Variants in C6orf52 observed in about 807,000 individuals in gnomAD.
C6orf52 encodes chromosome 6 open reading frame 52, also known as putative uncharacterized protein C6orf52.
In C6orf52, 16 loss-of-function variants were observed where a neutral mutation model predicts 16.6. The ratio of observed to expected loss-of-function variants is 0.96; its 90% CI spans 0.65 to 1.46. The LOEUF is 1.46. Among genes scored for constraint, C6orf52 ranks in the 40% most tolerant of loss-of-function variants. The probability of loss-of-function intolerance (pLI) is 0.00; values close to 1 mark genes in which losing one functional copy is unlikely to be tolerated. For missense variants in C6orf52, 166 were observed against 182.3 expected, an observed-to-expected ratio of 0.91 and a Z score of 0.52; for synonymous variants, 53 against 61.4, an observed-to-expected ratio of 0.86 and a Z score of 0.64.
At chr6:10,693,734 CT>C (rs368455566) in intron 1 of C6orf52, among the ~76,000 whole-genome samples, 1 of 151,628 alleles carries the variant, frequency 6.6e-6, no homozygotes, top group South Asian at 2.1e-4. Flanking sequence ...TTAAATAAAA[CT>C]TTTTTTTTCT....
chr6:10,674,069 G>A (rs961004906), intron 4 of C6orf52, among the ~76,000 whole-genome samples: 7 of 152,262 alleles, frequency 4.6e-5, no homozygotes, highest in African/African-American at 7.2e-5. Context: ...GGGTGTCAGC[G>A]TGGTTGGGTT....
intron 4 of C6orf52, among the ~76,000 whole-genome samples, chr6:10,675,962 T>G (rs1213188222): frequency 2.0e-5 from 3 of 148,362 alleles, no homozygotes; most frequent in Non-Finnish European, 4.4e-5. Flanking sequence ...TGAAACCCCG[T>G]CTCTACTAAA....
intron 4 of C6orf52, chr6:10,674,799 G>C (rs1038469090): frequency 1.3e-5 from 2 of 150,450 alleles, no homozygotes; most frequent in Non-Finnish European, 2.9e-5. Context: ...AGTCACCATG[G>C]TATACAATAC....
chr6:10,676,396 T>A (rs1767883598), intron 4 of C6orf52, among the ~76,000 whole-genome samples: 1 of 152,224 alleles, frequency 6.6e-6, no homozygotes, highest in Admixed American at 6.5e-5. Flanking sequence ...CAAATCATTT[T>A]CTTTTCTAAC....
Position 10,687,516 on chromosome 6 carries a change from A to G in C6orf52, c.35T>C (p.Ile12Thr), listed in dbSNP as rs1768955965. The change falls in exon 2 of 5, where the codon ATA (isoleucine) becomes ACA (threonine). Residue 12 changes from isoleucine to threonine, a missense_variant. Physicochemically the swap from Ile to Thr is moderately conservative, Grantham distance 89. Coordinates refer to ENST00000259983, the MANE Select transcript of C6orf52 (RefSeq NM_001145020.3). Reference protein sequence around the residue: ...AQPESSADFGIAQQNNYYCYW... With the variant: ...AQPESSADFGTAQQNNYYCYW... ...GCAGTAATAGTTATTTTGTTGAGCTATGCCAAAATCTGCAGAACTCTCTGG... is the reference window on the plus strand; with the variant it reads ...GCAGTAATAGTTATTTTGTTGAGCTGTGCCAAAATCTGCAGAACTCTCTGG... 1.3e-6 allele frequency: 2 copies of G among 1,551,052 alleles called. No individual in the cohort carries two copies. Among genetic ancestry groups the G allele is most frequent in the African/African-American group, 1.4e-5 (1 of 72,924 alleles).
intron 3 of C6orf52, chr6:10,684,888 C>A (rs745956003): frequency 1.0e-5 from 13 of 1,288,760 alleles, no homozygotes; most frequent in African/African-American, 1.5e-5. Flanking sequence ...ACAGGGGACA[C>A]CCAGCAGGAT....
rs773766045 is a variant in C6orf52 at position 10,691,965 on chromosome 6, G to A, written c.-12+2529C>T. Among the ~76,000 whole-genome samples the A allele has an allele frequency of 2.0e-5, 3 of 152,300 alleles. 1 individual carries two copies. The highest frequency in any genetic ancestry group is 6.8e-3 in the Middle Eastern group (2 of 294). ...AAAAGTTACTTAAGCAAGTAAAAGTGTGACAGTCTGGTAACAGATTCTAAA... is the reference window on the plus strand; with the variant it reads ...AAAAGTTACTTAAGCAAGTAAAAGTATGACAGTCTGGTAACAGATTCTAAA... On this transcript the variant is annotated intron_variant, in intron 1 of 4. Coordinates refer to ENST00000259983, the MANE Select transcript of C6orf52 (RefSeq NM_001145020.3).
At chr6:10,685,435 T>C (rs1377155403) in intron 3 of C6orf52, among the ~76,000 whole-genome samples, 3 of 151,874 alleles carry the variant, frequency 2.0e-5, no homozygotes, top group Non-Finnish European at 4.4e-5. Context: ...TTGAGAAAAA[T>C]TGAAAATGAA....
At chr6:10,672,670 A>G (rs1767536744) in intron 4 of C6orf52, 3 of 670,366 alleles carry the variant, frequency 4.5e-6, no homozygotes, top group Non-Finnish European at 8.0e-6. Context: ...TTTTAAAAAA[A>G]GAGCAGAGAA....
At chr6:10,690,973 C>T (rs1342071039) in intron 1 of C6orf52, among the ~76,000 whole-genome samples, 1 of 152,178 alleles carries the variant, frequency 6.6e-6, no homozygotes, top group Non-Finnish European at 1.5e-5. Context: ...GAAACTACTG[C>T]CACAGCCATG....
At chr6:10,693,201 C>CAGGACACAGCAGTA (rs1769507642) in intron 1 of C6orf52, among the ~76,000 whole-genome samples, 1 of 152,296 alleles carries the variant, frequency 6.6e-6, no homozygotes, top group South Asian at 2.1e-4. Context: ...CCAACGGATG[C>CAGGACACAGCAGTA]AGGACACAGC....
At chr6:10,676,956 C>T (rs1767951384) in intron 4 of C6orf52, among the ~76,000 whole-genome samples, 1 of 152,320 alleles carries the variant, frequency 6.6e-6, no homozygotes, top group East Asian at 1.9e-4. Context: ...TATTTTCTCC[C>T]ACTCCGTTGT....
chr6:10,681,665 C>T (rs564059590), intron 4 of C6orf52, among the ~76,000 whole-genome samples: 60 of 152,326 alleles, frequency 3.9e-4, no homozygotes, highest in Non-Finnish European at 6.2e-4. Flanking sequence ...AATGTCCCCA[C>T]TTTACAGAAA....
At chr6:10,671,886 A>C (rs1354010359) in intron 4 of C6orf52, among the ~76,000 whole-genome samples, 1 of 152,170 alleles carries the variant, frequency 6.6e-6, no homozygotes, top group Non-Finnish European at 1.5e-5. Context: ...ATTTGGGAGG[A>C]AAGGGGAAAA....
At chr6:10,693,484 C>T (rs1229313356) in intron 1 of C6orf52, among the ~76,000 whole-genome samples, 2 of 152,160 alleles carry the variant, frequency 1.3e-5, no homozygotes, top group African/African-American at 4.8e-5. Context: ...TCTATTAACA[C>T]GTACTAACAA....
rs148299113 is a variant in C6orf52 at position 10,673,171 on chromosome 6, C to T, written c.317-1573G>A. ...GGTTCCCTTCCTTTACCGTTATGGG[C>T]AGTTGTCTGCTAATGGGTCCCTGAC... is the stretch of plus-strand genomic sequence containing the variant. On this transcript the variant is annotated intron_variant, in intron 4 of 4. Transcript: ENST00000259983. Among the ~76,000 whole-genome samples, 1,003 of 152,298 alleles carry T rather than the reference C, an allele frequency of 6.6e-3. 9 individuals carry two copies. Among genetic ancestry groups the T allele is most frequent in the African/African-American group, 0.022 (929 of 41,568 alleles).
chr6:10,684,703 A>G, intron 3 of C6orf52: 1 of 387,666 alleles, frequency 2.6e-6, no homozygotes, highest in Middle Eastern at 3.7e-4. Context: ...TAACCCCTTT[A>G]ACTTGGGGAG....
intron 1 of C6orf52, among the ~76,000 whole-genome samples, chr6:10,689,845 A>G (rs1769139817): frequency 6.6e-6 from 1 of 152,238 alleles, no homozygotes; most frequent in African/African-American, 2.4e-5. Context: ...AGACTGGCCT[A>G]CCGCTGGTTT....
At chr6:10,687,647 A>G (rs1581559181) in intron 1 of C6orf52, 86 bp from the exon 2 acceptor site, 2 of 776,410 alleles carry the variant, frequency 2.6e-6, no homozygotes, top group Admixed American at 4.7e-5. Flanking sequence ...CCTGACAAAT[A>G]AGTCTCGCAA....
Sources: gnomAD v4.1 joint callset for allele counts (sites outside exome capture counted in the v4.1 genomes callset) on GRCh38, gnomAD v4.1.1 for gene constraint, MANE v1.5 for transcripts, NCBI Gene and HGNC (gene_info 2026-07-23, HGNC 2026-07-21) for gene names.